Variants in CGNL1 observed in about 807,000 individuals in gnomAD.
CGNL1 encodes cingulin-like protein 1.
Under a neutral mutation model 141.2 loss-of-function variants are expected in CGNL1, and 132 were observed. That is an observed-to-expected ratio of 0.93 (90% CI 0.81 to 1.08). The LOEUF (loss-of-function observed/expected upper bound fraction) is 1.08. Ranked by LOEUF, CGNL1 falls within the 50% of genes least tolerant of loss-of-function variation. CGNL1 has a pLI of 0.00. For synonymous variants in CGNL1, 690 were observed against 622.1 expected, an observed-to-expected ratio of 1.11 and a Z score of -1.63; for missense variants, 1,870 against 1,588.6, an observed-to-expected ratio of 1.18 and a Z score of -3.01.
chr15:57,461,958 C>G (rs1315861222), intron 8 of CGNL1, 66 bp downstream of exon 8: 20 of 1,166,402 alleles, frequency 1.7e-5, no homozygotes, highest in Non-Finnish European at 1.0e-5. Flanking sequence ...CTCTCCCACA[C>G]CACTGCAAAT....
At chr15:57,458,020 G>C (rs1273783280) in intron 7 of CGNL1, among the ~76,000 whole-genome samples, 2 of 152,172 alleles carry the variant, frequency 1.3e-5, no homozygotes, top group African/African-American at 4.8e-5. Context: ...TTATAAGGCT[G>C]TGTGGTCTTA....
At chr15:57,514,467 T>C (rs2030606659) in intron 8 of CGNL1, among the ~76,000 whole-genome samples, 1 of 152,162 alleles carries the variant, frequency 6.6e-6, no homozygotes, top group African/African-American at 2.4e-5. Flanking sequence ...TTAAGTCTTT[T>C]TGTTACTGAG....
At chr15:57,476,788 G>A (rs1295270055) in intron 8 of CGNL1, among the ~76,000 whole-genome samples, 1 of 152,202 alleles carries the variant, frequency 6.6e-6, no homozygotes, top group African/African-American at 2.4e-5. Context: ...ACAAAATAAA[G>A]GGCAAGGTGT....
At chr15:57,483,738 A>G (rs2063755206) in intron 8 of CGNL1, among the ~76,000 whole-genome samples, 1 of 152,152 alleles carries the variant, frequency 6.6e-6, no homozygotes, top group Non-Finnish European at 1.5e-5. Context: ...TATAATGTTA[A>G]TTATAGATCT....
intron 1 of CGNL1, among the ~76,000 whole-genome samples, chr15:57,434,508 A>AAT (rs1220926555): frequency 3.3e-5 from 5 of 152,154 alleles, no homozygotes; most frequent in Admixed American, 6.5e-5. Flanking sequence ...AAATTGAAAG[A>AAT]ATATATATAT....
Position 57,544,560 on chromosome 15 carries a change from A to G in CGNL1, c.3463A>G (p.Ile1155Val). 1 of 1,604,180 alleles carries G rather than the reference A, an allele frequency of 6.2e-7. No individual in the cohort carries two copies. Among genetic ancestry groups the G allele is most frequent in the Non-Finnish European group, 8.5e-7 (1 of 1,175,406 alleles). Residue 1155 changes from isoleucine (I) to valine (V), a missense_variant, in exon 16 of 19, where the codon ATC becomes GTC. Coordinates refer to ENST00000281282, the MANE Select transcript of CGNL1 (RefSeq NM_032866.5). ...EGLVVQMEAR[I>V]AELEDRLESE... is the part of the protein sequence containing the mutation. ...GCTGGTTGTGCAGATGGAGGCCAGG[A>G]TCGCGGAGCTGGAGGACCGCCTGGA...
At chr15:57,491,855 C>T (rs1232962805) in intron 8 of CGNL1, among the ~76,000 whole-genome samples, 1 of 151,872 alleles carries the variant, frequency 6.6e-6, no homozygotes, top group African/African-American at 2.4e-5. Context: ...GGGACCAACT[C>T]CCCTCCTCCT....
At chr15:57,402,740 C>T (rs12440459) in intron 1 of CGNL1, 14,449 of 152,218 alleles carry the variant, frequency 0.095, 792 homozygotes, top group South Asian at 0.15. Context: ...GTTAAGTACC[C>T]AATGGCATTG....
chr15:57,391,706 G>T lies in CGNL1; in HGVS notation c.-16+15139G>T, dbSNP rs182741061. On this transcript the variant is annotated intron_variant, in intron 1 of 18. Coordinates refer to ENST00000281282, the MANE Select transcript of CGNL1 (RefSeq NM_032866.5). ...ACCTCATGTAAACAAGAAGTCCAAA[G>T]TCTGGGCTGTTGGGGGAGTTAGTTT... 1.7e-3 allele frequency among the ~76,000 whole-genome samples: 254 copies of T among 152,320 alleles called. 2 individuals carry two copies. The highest frequency in any genetic ancestry group is 6.0e-3 in the African/African-American group (249 of 41,570).
intron 1 of CGNL1, among the ~76,000 whole-genome samples, chr15:57,396,631 C>G (rs1334703407): frequency 6.6e-6 from 1 of 152,134 alleles, no homozygotes; most frequent in African/African-American, 2.4e-5. Context: ...GAGTACATTT[C>G]TAGGTCAGCA....
intron 14 of CGNL1, among the ~76,000 whole-genome samples, chr15:57,538,542 T>C (rs12439665): frequency 0.14 from 21,920 of 152,218 alleles, 1,759 homozygotes; most frequent in Admixed American, 0.19. Context: ...CTTGAACCTG[T>C]GGGGACCCTT....
chr15:57,497,278 C>T (rs1451530475), intron 8 of CGNL1, among the ~76,000 whole-genome samples: 1 of 151,900 alleles, frequency 6.6e-6, no homozygotes, highest in African/African-American at 2.4e-5. Flanking sequence ...TGTGTGTGCA[C>T]CTTGTCTGCC....
intron 8 of CGNL1, among the ~76,000 whole-genome samples, chr15:57,500,609 G>A: frequency 6.6e-6 from 1 of 151,904 alleles, no homozygotes; most frequent in East Asian, 1.9e-4. Flanking sequence ...TGCTCCCAGA[G>A]AACTATCAGT....
At chr15:57,385,223 A>G (rs191546114) in intron 1 of CGNL1, among the ~76,000 whole-genome samples, 22 of 152,328 alleles carry the variant, frequency 1.4e-4, no homozygotes, top group African/African-American at 5.3e-4. Flanking sequence ...ATTTAAATGC[A>G]TGAGCTAGTA....
Position 57,516,906 on chromosome 15 carries a change from A to G in CGNL1, c.2530A>G (p.Arg844Gly), listed in dbSNP as rs760169607. 4 of 1,613,434 alleles carry G rather than the reference A, an allele frequency of 2.5e-6. No homozygotes were observed. The highest frequency in any genetic ancestry group is 2.2e-5 in the East Asian group (1 of 44,890). Residue 844 changes from arginine (R) to glycine (G), a missense_variant, in exon 9 of 19, where the codon AGA becomes GGA. Physicochemically the swap from Arg to Gly is moderately radical, Grantham distance 125. Transcript: ENST00000281282. ...LQGRSEELER[R>G]VAQLQRQIED... ...GGGAAGAAGCGAAGAGCTGGAGCGGAGAGTTGCTCAGCTTCAAAGGCAGAT... is the reference window on the plus strand; with the variant it reads ...GGGAAGAAGCGAAGAGCTGGAGCGGGGAGTTGCTCAGCTTCAAAGGCAGAT...
chr15:57,389,996 A>G (rs1164624554), intron 1 of CGNL1, among the ~76,000 whole-genome samples: 3 of 152,132 alleles, frequency 2.0e-5, no homozygotes, highest in African/African-American at 4.8e-5. Context: ...TTATATTTTT[A>G]GTAGAGACAG....
At chr15:57,490,233 T>C (rs1306710623) in intron 8 of CGNL1, among the ~76,000 whole-genome samples, 1 of 152,200 alleles carries the variant, frequency 6.6e-6, no homozygotes, top group Non-Finnish European at 1.5e-5. Flanking sequence ...CTTTATCTTA[T>C]ATTAAATGGG....
rs148603825 is a variant in CGNL1 at position 57,507,350 on chromosome 15, T to A, written c.2404-9430T>A. On this transcript the variant is annotated intron_variant, in intron 8 of 18. Coordinates refer to ENST00000281282, the MANE Select transcript of CGNL1 (RefSeq NM_032866.5). ...ATTCTGTGAGCAAATATGAGGATTTTATTGTCGTAACTTTTGTCTTGGACC... is the reference window on the plus strand; with the variant it reads ...ATTCTGTGAGCAAATATGAGGATTTAATTGTCGTAACTTTTGTCTTGGACC... Among the ~76,000 whole-genome samples the A allele has an allele frequency of 5.9e-5, 9 of 152,350 alleles. No homozygotes were observed. The East Asian group carries it at 1.7e-3, about 29-fold the overall frequency.
At chr15:57,467,524 A>G (rs771932405) in intron 8 of CGNL1, among the ~76,000 whole-genome samples, 1 of 152,170 alleles carries the variant, frequency 6.6e-6, no homozygotes, top group Non-Finnish European at 1.5e-5. Flanking sequence ...CAGAGATCCA[A>G]TGAGTGGACC....
Sources: allele counts gnomAD v4.1 joint callset (sites outside exome capture counted in the v4.1 genomes callset), GRCh38; gene constraint gnomAD v4.1.1; transcripts MANE v1.5; gene names NCBI Gene and HGNC (gene_info 2026-07-23, HGNC 2026-07-21).